DIPK1A: variants seen among roughly 807,000 people sequenced by gnomAD.
DIPK1A encodes divergent protein kinase domain 1A, also known as family with sequence similarity 69 member A.
Under a neutral mutation model 40.8 loss-of-function variants are expected in DIPK1A, and 27 were observed. The observed-to-expected ratio is 0.66, with a 90% CI of 0.49 to 0.91. The LOEUF (loss-of-function observed/expected upper bound fraction) is 0.91, where lower values mean the gene tolerates loss of function less well. Among genes scored for constraint, DIPK1A ranks in the 40% least tolerant of loss-of-function variants. The probability of loss-of-function intolerance (pLI) is 0.00; values close to 1 mark genes in which losing one functional copy is unlikely to be tolerated. For synonymous variants in DIPK1A, 166 were observed against 171.3 expected, an observed-to-expected ratio of 0.97 and a Z score of 0.24; for missense variants, 412 against 505.7, an observed-to-expected ratio of 0.81 and a Z score of 1.78.
In DIPK1A at chr1:92,959,903, C is replaced by CTTTTTTTTTTTTTTTTTTTT. The variant is rs1157142089; in HGVS notation, c.54+1453_54+1472dup. Among the ~76,000 whole-genome samples the CTTTTTTTTTTTTTTTTTTTT allele has an allele frequency of 3.8e-3, 180 of 47,856 alleles. 9 individuals are homozygous for CTTTTTTTTTTTTTTTTTTTT. Among genetic ancestry groups the CTTTTTTTTTTTTTTTTTTTT allele is most frequent in the Non-Finnish European group, 4.1e-3 (127 of 30,674 alleles). 31.4% of individuals were successfully genotyped at this position (47,856 alleles called of 152,430 possible). A position where few individuals can be genotyped will look rare whatever the true frequency, so the allele number is the denominator to read the frequency against. Reference sequence around the variant, plus strand: ...GCTGGGACCACAGGCACCCAACCAACTTTTTTTTTTTTTTTTTTTTTTTTG... The same window carrying CTTTTTTTTTTTTTTTTTTTT: ...GCTGGGACCACAGGCACCCAACCAACTTTTTTTTTTTTTTTTTTTTTTTTTTTTTTTTTTTTTTTTTTTTG... On this transcript the variant is annotated intron_variant, in intron 1 of 4. Coordinates refer to ENST00000370310, the MANE Select transcript of DIPK1A (RefSeq NM_001006605.5).
chr1:92,896,270 G>A (rs1291044840), intron 1 of DIPK1A, among the ~76,000 whole-genome samples: 1 of 152,192 alleles, frequency 6.6e-6, no homozygotes, highest in African/African-American at 2.4e-5. Flanking sequence ...CAAGGCTACA[G>A]TAACCAAAAT....
downstream of DIPK1A, chr1:92,840,786 C>G (rs779341188): frequency 1.3e-6 from 1 of 748,310 alleles, no homozygotes; most frequent in Non-Finnish European, 2.4e-6. Flanking sequence ...GCAAAAGTAA[C>G]TGTGGTGATG....
chr1:92,920,556 T>C (rs1455015274), intron 1 of DIPK1A, among the ~76,000 whole-genome samples: 2 of 152,194 alleles, frequency 1.3e-5, no homozygotes, highest in African/African-American at 4.8e-5. Context: ...AAAGAAGAGA[T>C]ACATATCTAG....
chr1:92,847,441 C>T lies in DIPK1A; in HGVS notation c.298-82G>A, dbSNP rs544749946. The T allele has an allele frequency of 2.6e-3, 2,251 of 861,040 alleles. 10 individuals are homozygous for T. The highest frequency in any genetic ancestry group is 3.6e-3 in the Admixed American group (110 of 30,552). 53.3% of individuals were successfully genotyped at this position (861,040 alleles called of 1,614,324 possible). A position where few individuals can be genotyped will look rare whatever the true frequency, so the allele number is the denominator to read the frequency against. On this transcript the variant is annotated intron_variant, in intron 3 of 4. Coordinates refer to ENST00000370310, the MANE Select transcript of DIPK1A (RefSeq NM_001006605.5). ...TATACTACTATATTTTTAGGGTCCT[C>T]CTCCTCTGAACAAAACAAAACAAGC...
At chr1:92,909,047 T>C (rs1649732445) in intron 1 of DIPK1A, among the ~76,000 whole-genome samples, 2 of 152,100 alleles carry the variant, frequency 1.3e-5, no homozygotes, top group South Asian at 2.1e-4. Context: ...CAGGAAAAAA[T>C]ATCCATATAG....
intron 1 of DIPK1A, among the ~76,000 whole-genome samples, chr1:92,893,471 C>G (rs1404844708): frequency 2.6e-5 from 4 of 151,942 alleles, no homozygotes; most frequent in East Asian, 1.9e-4. Context: ...TTGTCACCAT[C>G]AGGCCTGCCC....
At chr1:92,961,309 T>C (rs945629) in intron 1 of DIPK1A, 67 bp downstream of exon 1, 1,270,352 of 1,271,630 alleles carry the variant, frequency 1, 634,547 homozygotes, top group East Asian at 1. Flanking sequence ...GGGCGAGTCC[T>C]GCGCGGCGCG....
chr1:92,953,815 T>C (rs1039683338), intron 1 of DIPK1A, among the ~76,000 whole-genome samples: 4 of 152,198 alleles, frequency 2.6e-5, no homozygotes, highest in African/African-American at 9.7e-5. Flanking sequence ...GCTGCACAGA[T>C]CTTTGTTGCT....
intron 1 of DIPK1A, chr1:92,931,936 G>T: frequency 3.7e-6 from 1 of 273,320 alleles, no homozygotes. Context: ...CCCGCAAGTT[G>T]TTGAAGAAAT....
intron 1 of DIPK1A, among the ~76,000 whole-genome samples, chr1:92,950,659 T>A (rs1651595252): frequency 6.6e-6 from 1 of 152,184 alleles, no homozygotes; most frequent in African/African-American, 2.4e-5. Context: ...TGCAGTGAGC[T>A]ATGATTGTGC....
intron 1 of DIPK1A, among the ~76,000 whole-genome samples, chr1:92,947,271 T>A (rs1557496823): frequency 1.3e-5 from 2 of 152,132 alleles, no homozygotes; most frequent in Admixed American, 1.3e-4. Flanking sequence ...TTTTAAGATA[T>A]TTTTTAAAAG....
intron 1 of DIPK1A, among the ~76,000 whole-genome samples, chr1:92,907,020 A>G (rs1649651324): frequency 1.3e-5 from 2 of 152,238 alleles, no homozygotes; most frequent in African/African-American, 4.8e-5. Context: ...ATTCAAATGA[A>G]TGACAAAATA....
intron 3 of DIPK1A, among the ~76,000 whole-genome samples, chr1:92,849,216 C>G (rs1687727833): frequency 6.6e-6 from 1 of 152,204 alleles, no homozygotes; most frequent in African/African-American, 2.4e-5. Flanking sequence ...CCCTCTGTGT[C>G]TCCTACAGAA....
rs774901800 is a variant in DIPK1A, at chr1:92,844,680, C to T, written c.475-485G>A. On this transcript the variant is annotated intron_variant, in intron 4 of 4. Coordinates refer to ENST00000370310, the MANE Select transcript of DIPK1A (RefSeq NM_001006605.5). ...CTGGGCTCAGGTGATCCTCCTACCT[C>T]AGCCTCCCAAAGTGCTCGGATTACA... Among the ~76,000 whole-genome samples the T allele has an allele frequency of 2.0e-5, 3 of 152,222 alleles. No homozygotes were observed. The South Asian group carries it at 6.2e-4, about 32-fold the overall frequency.
chr1:92,911,722 C>T (rs1290125110), intron 1 of DIPK1A, among the ~76,000 whole-genome samples: 1 of 151,902 alleles, frequency 6.6e-6, no homozygotes, highest in Non-Finnish European at 1.5e-5. Flanking sequence ...ATGTTTAGGC[C>T]AGGCGCAGTG....
At chr1:92,926,287 C>T (rs1650503151) in intron 1 of DIPK1A, among the ~76,000 whole-genome samples, 1 of 152,172 alleles carries the variant, frequency 6.6e-6, no homozygotes, top group South Asian at 2.1e-4. Context: ...TTCAGAAATA[C>T]ACTATCTAAT....
At position 92,942,056 on chromosome 1, in the gene DIPK1A, G is replaced by A. The variant is rs868857051; in HGVS notation, c.54+19320C>T. Among the ~76,000 whole-genome samples the A allele has an allele frequency of 6.3e-4, 96 of 151,966 alleles. 1 individual carries two copies. Among genetic ancestry groups the A allele is most frequent in the African/African-American group, 2.1e-3 (88 of 41,456 alleles). On this transcript the variant is annotated intron_variant, in intron 1 of 4. Coordinates refer to ENST00000370310, the MANE Select transcript of DIPK1A (RefSeq NM_001006605.5). ...ACACCGCCAGCACAGGGAATATATG[G>A]ACATGAGCAGTAAATACTTTTTGAT...
intron 1 of DIPK1A, among the ~76,000 whole-genome samples, chr1:92,887,632 T>C (rs1193704657): frequency 6.6e-6 from 1 of 152,158 alleles, no homozygotes; most frequent in Non-Finnish European, 1.5e-5. Flanking sequence ...CCTGTAGATG[T>C]GTGATTGAGA....
intron 1 of DIPK1A, among the ~76,000 whole-genome samples, chr1:92,916,372 G>T (rs560448964): frequency 6.6e-6 from 1 of 150,788 alleles, no homozygotes; most frequent in South Asian, 2.1e-4. Flanking sequence ...CTCAATCTAG[G>T]CTCACTGCAA....
Sources: gnomAD v4.1 joint callset for allele counts (sites outside exome capture counted in the v4.1 genomes callset) on GRCh38, gnomAD v4.1.1 for gene constraint, MANE v1.5 for transcripts, NCBI Gene and HGNC (gene_info 2026-07-23, HGNC 2026-07-21) for gene names.